The following MIPOL1 variants were observed in gnomAD, a reference collection of about 807,000 sequenced individuals.
The protein encoded by MIPOL1 is mirror-image polydactyly gene 1 protein.
MIPOL1 carries 57 observed loss-of-function variants against 60.9 expected under a neutral mutation model. The ratio of observed to expected loss-of-function variants is 0.94; its 90% CI spans 0.76 to 1.17. The LOEUF is 1.17. Ranked by LOEUF, MIPOL1 falls within the 50% of genes most tolerant of loss-of-function variation. The pLI, the probability that MIPOL1 is intolerant of heterozygous loss-of-function variation, is 0.00. For missense variants in MIPOL1, 551 were observed against 511.6 expected (o/e 1.08, Z -0.74); for synonymous variants, 179 against 168.8 (o/e 1.06, Z -0.47).
chr14:37,338,324 A>G (rs929914597), intron 9 of MIPOL1, among the ~76,000 whole-genome samples: 17 of 150,158 alleles, frequency 1.1e-4, no homozygotes, highest in African/African-American at 4.2e-4. Context: ...GTTAGCCAGG[A>G]TGGTCTCGAT....
chr14:37,359,787 T>C (rs1203844084), intron 9 of MIPOL1, among the ~76,000 whole-genome samples: 1 of 152,160 alleles, frequency 6.6e-6, no homozygotes, highest in Non-Finnish European at 1.5e-5. Context: ...TGACTTCCAC[T>C]TTTCATAATT....
At chr14:37,512,865 G>A (rs944862101) in intron 12 of MIPOL1, among the ~76,000 whole-genome samples, 2 of 151,982 alleles carry the variant, frequency 1.3e-5, no homozygotes, top group Admixed American at 6.6e-5. Context: ...TTAATAAGTG[G>A]GAGGAGACCT....
chr14:37,430,007 A>C (rs568124280), intron 11 of MIPOL1, among the ~76,000 whole-genome samples: 2 of 152,278 alleles, frequency 1.3e-5, no homozygotes, highest in South Asian at 4.1e-4. Flanking sequence ...TGAACACTCA[A>C]TCCTGACCTC....
At chr14:37,530,231 G>A (rs2095471273) in intron 12 of MIPOL1, among the ~76,000 whole-genome samples, 1 of 152,150 alleles carries the variant, frequency 6.6e-6, no homozygotes, top group Non-Finnish European at 1.5e-5. Flanking sequence ...CTGCATAAGA[G>A]ATAGGAAAAA....
rs2095558008 is a variant in MIPOL1 at position 37,550,029 on chromosome 14, TATTA to T, written c.*3063_*3066del. On this transcript the variant is annotated 3_prime_UTR_variant, in exon 13 of 13. Transcript: ENST00000684589. ...AAGGTATAAGCAGTTAAAGCAAAGT[TATTA>T]ATTATTAATATATGAGAATTTAAAA... The T allele has an allele frequency of 6.6e-6, 1 of 151,864 alleles. No homozygotes were observed. The highest frequency in any genetic ancestry group is 2.4e-5 in the African/African-American group (1 of 41,444). The allele number at this position is 151,864 out of a possible 1,614,324, so 9.4% of individuals were successfully genotyped here.
chr14:37,325,263 G>A (rs76205342), intron 9 of MIPOL1, among the ~76,000 whole-genome samples: 2,153 of 151,780 alleles, frequency 0.014, 65 homozygotes, highest in African/African-American at 0.048. Context: ...GCAAAATTCC[G>A]TTTACCCTCG....
At chr14:37,484,789 C>T (rs1283809858) in intron 11 of MIPOL1, among the ~76,000 whole-genome samples, 1 of 152,042 alleles carries the variant, frequency 6.6e-6, no homozygotes, top group East Asian at 1.9e-4. Flanking sequence ...TTAGCCTATC[C>T]TCTGGGCTTT....
rs1010442080 is a variant in MIPOL1, at chr14:37,409,717, C to A, written c.937-13138C>A. Reference sequence around the variant, plus strand: ...AGGAGAATGTCTTGAACCTGGGAGGCAGAGGTTGCAGTGAGCCGAGATCGC... The same window carrying A: ...AGGAGAATGTCTTGAACCTGGGAGGAAGAGGTTGCAGTGAGCCGAGATCGC... On this transcript the variant is annotated intron_variant, in intron 10 of 12. Coordinates refer to ENST00000684589, the MANE Select transcript of MIPOL1 (RefSeq NM_001388067.1). Among the ~76,000 whole-genome samples the A allele has an allele frequency of 6.5e-4, 99 of 152,128 alleles. 5 individuals are homozygous for A. The highest frequency in any genetic ancestry group is 1.5e-5 in the Non-Finnish European group (1 of 68,038).
chr14:37,401,798 ATAGATAAATT>A (rs1434630724), intron 10 of MIPOL1: 1 of 152,120 alleles, frequency 6.6e-6, no homozygotes, highest in Non-Finnish European at 1.5e-5. Flanking sequence ...CTGAAAATTT[ATAGATAAATT>A]TAAAGCAGTG....
chr14:37,306,101 G>A (rs915150347), intron 7 of MIPOL1, among the ~76,000 whole-genome samples: 1 of 151,774 alleles, frequency 6.6e-6, no homozygotes, highest in African/African-American at 2.4e-5. Flanking sequence ...TATTAGTAGG[G>A]AATTTTAATA....
chr14:37,222,659 G>A (rs1378099505), intron 1 of MIPOL1, among the ~76,000 whole-genome samples: 2 of 152,054 alleles, frequency 1.3e-5, no homozygotes, highest in Non-Finnish European at 2.9e-5. Flanking sequence ...CATCAGAATA[G>A]CCTTTACTGT....
chr14:37,331,886 C>T (rs1487157857), intron 9 of MIPOL1, among the ~76,000 whole-genome samples: 2 of 152,262 alleles, frequency 1.3e-5, no homozygotes, highest in South Asian at 2.1e-4. Context: ...CACGGTGCTT[C>T]ACGCCTGTAA....
intron 1 of MIPOL1, among the ~76,000 whole-genome samples, chr14:37,240,017 T>C (rs1972100860): frequency 6.6e-6 from 1 of 152,112 alleles, no homozygotes; most frequent in African/African-American, 2.4e-5. Flanking sequence ...TAGATAAATA[T>C]TGTATTTTTT....
intron 11 of MIPOL1, among the ~76,000 whole-genome samples, chr14:37,473,114 C>A (rs1034570053): frequency 6.6e-6 from 1 of 152,108 alleles, no homozygotes; most frequent in African/African-American, 2.4e-5. Context: ...CCTGCGTGAT[C>A]GACTTGGTGC....
At chr14:37,533,487 A>G (rs1194536063) in intron 12 of MIPOL1, among the ~76,000 whole-genome samples, 2 of 152,210 alleles carry the variant, frequency 1.3e-5, no homozygotes, top group Non-Finnish European at 2.9e-5. Context: ...TAGATGAGAC[A>G]GTGATGTAAC....
rs1486823789 is a variant in MIPOL1 at position 37,268,698 on chromosome 14, A to G, written c.292A>G (p.Met98Val). 6.2e-7 allele frequency: 1 copy of G among 1,603,124 alleles called. No individual in the cohort carries two copies. Among genetic ancestry groups the G allele is most frequent in the Non-Finnish European group, 8.5e-7 (1 of 1,173,116 alleles). Residue 98 changes from methionine (M) to valine (V), a missense_variant, in exon 5 of 13, where the codon ATG (methionine) becomes GTG (valine). Met to Val is a conservative substitution (Grantham distance 21, BLOSUM62 1). Transcript: ENST00000684589. Reference protein sequence around the residue: ...HRHNDMHYECMTPCQVTSDSD... With the variant: ...HRHNDMHYECVTPCQVTSDSD... ...ACATAATGATATGCATTATGAATGT[A>G]TGACTCCTTGTCAAGTTACTTCAGA... is the stretch of plus-strand genomic sequence containing the variant.
intron 11 of MIPOL1, among the ~76,000 whole-genome samples, chr14:37,497,590 G>A (rs561808272): frequency 3.7e-4 from 57 of 152,240 alleles, no homozygotes; most frequent in East Asian, 9.7e-4. Flanking sequence ...CCCATAGTCC[G>A]AGCTACTCAG....
chr14:37,244,401 G>A (rs1489368293), intron 1 of MIPOL1, among the ~76,000 whole-genome samples: 4 of 151,562 alleles, frequency 2.6e-5, no homozygotes, highest in East Asian at 3.9e-4. Context: ...GATTACAGGC[G>A]TGAGCCACCA....
At chr14:37,464,764 G>A (rs1032119276) in intron 11 of MIPOL1, among the ~76,000 whole-genome samples, 2 of 152,068 alleles carry the variant, frequency 1.3e-5, no homozygotes, top group African/African-American at 4.8e-5. Context: ...TAAAAAGCTG[G>A]CTGGTAAAGG....
Sources: gnomAD v4.1 joint callset for allele counts (sites outside exome capture counted in the v4.1 genomes callset) on GRCh38, gnomAD v4.1.1 for gene constraint, MANE v1.5 for transcripts, NCBI Gene and HGNC (gene_info 2026-07-23, HGNC 2026-07-21) for gene names.